The following RYR3 variants were observed in gnomAD, a reference collection of about 807,000 sequenced individuals.
RYR3 encodes brain ryanodine receptor-calcium release channel.
Under a neutral mutation model 584.3 loss-of-function variants are expected in RYR3, and 207 were observed. The ratio of observed to expected loss-of-function variants is 0.35; its 90% CI spans 0.32 to 0.40. The LOEUF is 0.40. Among genes scored for constraint, RYR3 ranks in the 10% least tolerant of loss-of-function variants. The pLI is 1.00. For missense variants in RYR3, 5,616 were observed against 6,089.2 expected, an observed-to-expected ratio of 0.92 and a Z score of 2.59; for synonymous variants, 2,416 against 2,248.5, an observed-to-expected ratio of 1.07 and a Z score of -2.11.
At chr15:33,362,303 A>G (rs570911601) in intron 1 of RYR3, among the ~76,000 whole-genome samples, 1 of 152,204 alleles carries the variant, frequency 6.6e-6, no homozygotes, top group East Asian at 1.9e-4. Flanking sequence ...TCTTCTCTAC[A>G]TCATAGGGTT....
chr15:33,777,697 C>A (rs2074091670), intron 64 of RYR3, among the ~76,000 whole-genome samples: 1 of 151,946 alleles, frequency 6.6e-6, no homozygotes, highest in South Asian at 2.1e-4. Context: ...TAGCAACAGC[C>A]TTTTACCCCA....
rs1443383806 is a variant in RYR3 at position 33,738,563 on chromosome 15, G to C, written c.7629G>C (p.Trp2543Cys). The C allele has an allele frequency of 6.2e-7, 1 of 1,613,856 alleles. No individual in the cohort carries two copies. Among genetic ancestry groups the C allele is most frequent in the Non-Finnish European group, 8.5e-7 (1 of 1,179,882 alleles). Residue 2543 changes from tryptophan (W) to cysteine (C), a missense_variant, in exon 50 of 104, where the codon TGG (tryptophan) becomes TGC (cysteine). Trp to Cys is a radical substitution (Grantham distance 215, BLOSUM62 -2). Coordinates refer to ENST00000634891, the MANE Select transcript of RYR3 (RefSeq NM_001036.6). ...EELHLTEKLF[W>C]GIFDSLSHKK... ...TGCACCTAACGGAGAAGCTTTTCTGGGGGATTTTTGACTCGCTCTCCCATA... is the reference window on the plus strand; with the variant it reads ...TGCACCTAACGGAGAAGCTTTTCTGCGGGATTTTTGACTCGCTCTCCCATA...
intron 1 of RYR3, among the ~76,000 whole-genome samples, chr15:33,428,426 G>C (rs1409615458): frequency 1.3e-5 from 2 of 152,168 alleles, no homozygotes; most frequent in Non-Finnish European, 2.9e-5. Context: ...GAAGATTTTA[G>C]TAATTTAATA....
At chr15:33,526,647 T>C (rs1023430034) in intron 3 of RYR3, among the ~76,000 whole-genome samples, 9 of 152,284 alleles carry the variant, frequency 5.9e-5, no homozygotes, top group African/African-American at 1.9e-4. Context: ...TATGCCTTTT[T>C]TTTTTTTCCA....
chr15:33,467,411 G>C (rs2142151867), intron 1 of RYR3: 1 of 891,148 alleles, frequency 1.1e-6, no homozygotes. Context: ...AAGCGGGAGA[G>C]CCAAGGTTCC....
intron 3 of RYR3, among the ~76,000 whole-genome samples, chr15:33,527,495 A>G (rs1351372091): frequency 6.6e-6 from 1 of 151,862 alleles, no homozygotes; most frequent in African/African-American, 2.4e-5. Context: ...GAGGCAGGAG[A>G]ATTGCTCAAA....
intron 9 of RYR3, among the ~76,000 whole-genome samples, chr15:33,548,627 A>T (rs547705122): frequency 1.3e-4 from 20 of 152,356 alleles, no homozygotes; most frequent in Middle Eastern, 6.8e-3. Flanking sequence ...GATAAGGAAG[A>T]TGTAAACTTC....
At chr15:33,472,404 T>G (rs966766669) in intron 1 of RYR3, among the ~76,000 whole-genome samples, 1 of 152,208 alleles carries the variant, frequency 6.6e-6, no homozygotes, top group African/African-American at 2.4e-5. Flanking sequence ...GGTGACACTT[T>G]CCAACAAGAC....
intron 19 of RYR3, among the ~76,000 whole-genome samples, chr15:33,614,751 A>G (rs1403507903): frequency 6.6e-6 from 1 of 152,040 alleles, no homozygotes; most frequent in Non-Finnish European, 1.5e-5. Flanking sequence ...TTGGTTTCAA[A>G]TATTTCTCCC....
chr15:33,751,019 A>G (rs2071246329), intron 57 of RYR3, among the ~76,000 whole-genome samples: 1 of 152,154 alleles, frequency 6.6e-6, no homozygotes, highest in African/African-American at 2.4e-5. Context: ...TTTGCTGAGA[A>G]TGATGGTTTC....
At chr15:33,496,350 C>T (rs941468582) in intron 2 of RYR3, among the ~76,000 whole-genome samples, 2 of 152,124 alleles carry the variant, frequency 1.3e-5, no homozygotes, top group African/African-American at 4.8e-5. Context: ...AATCTAGAGC[C>T]ACGACAGTGA....
intron 52 of RYR3, among the ~76,000 whole-genome samples, chr15:33,745,011 G>A (rs959185950): frequency 2.0e-5 from 3 of 152,182 alleles, no homozygotes; most frequent in African/African-American, 7.2e-5. Flanking sequence ...AGGCTGCTTA[G>A]GAAGCTCTTG....
intron 10 of RYR3, among the ~76,000 whole-genome samples, chr15:33,556,755 C>A (rs989082246): frequency 1.3e-5 from 2 of 152,046 alleles, no homozygotes; most frequent in African/African-American, 4.8e-5. Flanking sequence ...GAAAGCCAAT[C>A]CCTTCCTCAT....
At chr15:33,730,865 G>A (rs1228256202) in intron 47 of RYR3, among the ~76,000 whole-genome samples, 1 of 152,238 alleles carries the variant, frequency 6.6e-6, no homozygotes, top group East Asian at 1.9e-4. Flanking sequence ...TGCCCATGCA[G>A]AGTCAGGTTC....
chr15:33,663,642 A>C lies in RYR3; in HGVS notation c.5524A>C (p.Lys1842Gln), dbSNP rs201524472. ...TGTCTCCAAGCTGCAGGCAAATCAG[A>C]AGTTCCGCTACAATGAGCTCATGCA... ...IYVSKLQANQ[K>Q]FRYNELMQAL... is the part of the protein sequence containing the mutation. Residue 1842 changes from lysine (K) to glutamine (Q), a missense_variant, in exon 36 of 104, where the codon AAG becomes CAG. Lys to Gln is a moderately conservative substitution (Grantham distance 53, BLOSUM62 1). This residue lies in a region of RYR3 where 1,280 missense variants were observed against 1,426.2 expected (regional missense o/e 0.90). Transcript: ENST00000634891. 300 of 1,613,360 alleles carry C rather than the reference A, an allele frequency of 1.9e-4. No individual in the cohort carries two copies. The highest frequency in any genetic ancestry group is 2.3e-4 in the Non-Finnish European group (275 of 1,179,746).
At chr15:33,663,070 C>A in intron 35 of RYR3, 122 bp downstream of exon 35, 1 of 640,508 alleles carries the variant, frequency 1.6e-6, no homozygotes, top group South Asian at 2.2e-5. Flanking sequence ...AGTGACTGAC[C>A]AAGAGTGCTT....
At chr15:33,479,424 CT>C (rs199922033) in intron 2 of RYR3, among the ~76,000 whole-genome samples, 105 of 102,380 alleles carry the variant, frequency 1.0e-3, no homozygotes, top group South Asian at 1.9e-3. Flanking sequence ...TATTATAAAA[CT>C]TTAAAAAAAA....
chr15:33,414,246 A>T (rs117904169), intron 1 of RYR3, among the ~76,000 whole-genome samples: 7 of 152,340 alleles, frequency 4.6e-5, no homozygotes, highest in Non-Finnish European at 8.8e-5. Flanking sequence ...AAAAGAGGCA[A>T]ACAACTAGAG....
At chr15:33,477,222 C>CA (rs573597523) in intron 2 of RYR3, among the ~76,000 whole-genome samples, 75 of 151,858 alleles carry the variant, frequency 4.9e-4, no homozygotes, top group African/African-American at 1.8e-3. Context: ...AGTTGAGACT[C>CA]AGAGAAAATT....
Sources: gnomAD v4.1 joint callset for allele counts (sites outside exome capture counted in the v4.1 genomes callset) on GRCh38, gnomAD v4.1.1 for gene constraint, gnomAD v4.1.1 regional missense constraint, MANE v1.5 for transcripts, NCBI Gene and HGNC (gene_info 2026-07-23, HGNC 2026-07-21) for gene names.